Variants in SNAPC4 observed in about 807,000 individuals in gnomAD.
The protein encoded by SNAPC4 is small nuclear RNA activating complex polypeptide 4.
Under a neutral mutation model 151.3 loss-of-function variants are expected in SNAPC4, and 127 were observed. That is an observed-to-expected ratio of 0.84 (90% CI 0.73 to 0.97). The LOEUF is 0.97. Among genes scored for constraint, SNAPC4 ranks in the 50% least tolerant of loss-of-function variants. SNAPC4 has a pLI of 0.00. For synonymous variants in SNAPC4, 1,002 were observed against 824.4 expected (o/e 1.22, Z -3.69); for missense variants, 2,186 against 1,935.0 (o/e 1.13, Z -2.43).
intron 13 of SNAPC4, among the ~76,000 whole-genome samples, chr9:136,386,427 ACACTT>A (rs1012719422): frequency 5.4e-5 from 8 of 148,516 alleles, no homozygotes; most frequent in Non-Finnish European, 1.2e-4. Flanking sequence ...CTCTACCTCT[ACACTT>A]CATTTTTTTT....
chr9:136,384,502 C>A (rs528893003), intron 14 of SNAPC4, among the ~76,000 whole-genome samples: 2 of 152,074 alleles, frequency 1.3e-5, no homozygotes, highest in Non-Finnish European at 1.5e-5. Context: ...ACACTCAGCT[C>A]GTCGGGTGTG....
rs1588738653 is a variant in SNAPC4 at position 136,378,774 on chromosome 9, C to A, written c.3053G>T (p.Cys1018Phe). ...AGACTGTCCGAGACCACTCTCGGGGCAGCTCACAGAGATCTGGCCGGGGCC... is the reference window on the plus strand; with the variant it reads ...AGACTGTCCGAGACCACTCTCGGGGAAGCTCACAGAGATCTGGCCGGGGCC... ...ALGPGQISVS[C>F]PESGLGQSQA... is the part of the protein sequence containing the mutation. The change falls in exon 22 of 24, where the codon TGC becomes TTC. Residue 1018 changes from cysteine to phenylalanine, a missense_variant. Transcript: ENST00000684778. The A allele has an allele frequency of 1.9e-6, 3 of 1,543,892 alleles. No homozygotes were observed. Among genetic ancestry groups the A allele is most frequent in the Non-Finnish European group, 2.6e-6 (3 of 1,144,564 alleles).
intron 6 of SNAPC4, 31 bp from the exon 7 acceptor site, chr9:136,394,361 G>C: frequency 6.3e-7 from 1 of 1,580,728 alleles, no homozygotes; most frequent in Non-Finnish European, 8.7e-7. Flanking sequence ...CATCACTGGG[G>C]GTCTGGATCC....
rs149308711 is a variant in SNAPC4, at chr9:136,377,649, G to A, written c.4178C>T (p.Pro1393Leu). ...CTCACTCTCAGAGCCCACCCTCGAA[G>A]GTACTGAGAGGGTGGTGCGGACGCC... ...PQGVRTTLSV[P>L]SRVGSESEDE... Residue 1393 changes from proline (P) to leucine (L), a missense_variant, in exon 22 of 24, where the codon CCT becomes CTT. By Grantham distance (98) the Pro-to-Leu change is moderately conservative. Transcript: ENST00000684778. The A allele has an allele frequency of 1.8e-5, 29 of 1,594,232 alleles. No homozygotes were observed. The highest frequency in any genetic ancestry group is 4.0e-5 in the African/African-American group (3 of 74,308).
chr9:136,389,749 G>A (rs147389126), intron 10 of SNAPC4, among the ~76,000 whole-genome samples: 3 of 152,300 alleles, frequency 2.0e-5, no homozygotes, highest in African/African-American at 7.2e-5. Flanking sequence ...GCAAAGGACT[G>A]GGGGGTGGGG....
Position 136,378,870 on chromosome 9 carries a change from G to A in SNAPC4, c.2957C>T (p.Ala986Val), listed in dbSNP as rs1377225471. The change falls in exon 22 of 24, where the codon GCC becomes GTC. Residue 986 changes from alanine (A) to valine (V), a missense_variant. Transcript: ENST00000684778. ...AKDKRLSTMQ[A>V]LPLAPVFSEA... is the part of the protein sequence containing the mutation. The stretch of plus-strand genomic sequence containing the variant: ...TGAGAAGACAGGAGCGAGGGGCAGG[G>A]CTTGCATGGTGGAGAGTCTCTTGTC... The A allele has an allele frequency of 6.2e-7, 1 of 1,610,698 alleles. No individual in the cohort carries two copies. The highest frequency in any genetic ancestry group is 2.2e-5 in the East Asian group (1 of 44,830).
intron 13 of SNAPC4, among the ~76,000 whole-genome samples, 198 bp from the exon 14 acceptor site, chr9:136,385,012 A>C (rs1833844378): frequency 6.6e-6 from 1 of 152,254 alleles, no homozygotes; most frequent in Admixed American, 6.5e-5. Flanking sequence ...GAAAGTGTAC[A>C]GGCTGGGAGA....
chr9:136,393,895 G>C (rs1834168205), intron 7 of SNAPC4, among the ~76,000 whole-genome samples: 1 of 152,248 alleles, frequency 6.6e-6, no homozygotes, highest in South Asian at 2.1e-4. Flanking sequence ...ACCAGCCTTG[G>C]CTTTTCCTGT....
chr9:136,378,678 G>A lies in SNAPC4; in HGVS notation c.3149C>T (p.Pro1050Leu), dbSNP rs765001874. Residue 1050 changes from proline to leucine, a missense_variant, in exon 22 of 24, where the codon CCC (proline) becomes CTC (leucine). Transcript: ENST00000684778. Reference protein sequence around the residue: ...APPFLPAAPSPTPLPVQPLSL... With the variant: ...APPFLPAAPSLTPLPVQPLSL... ...GAGGGGCTGGACGGGCAGTGGGGTG[G>A]GGCTGGGGGCTGCGGGGAGAAAGGG... 2 of 1,499,654 alleles carry A rather than the reference G, an allele frequency of 1.3e-6. No homozygotes were observed. The highest frequency in any genetic ancestry group is 8.9e-7 in the Non-Finnish European group (1 of 1,124,990). The allele number at this position is 1,499,654 out of a possible 1,614,324, so 92.9% of individuals were successfully genotyped here.
At chr9:136,380,421 G>A (rs546241743) in intron 20 of SNAPC4, among the ~76,000 whole-genome samples, 4 of 152,188 alleles carry the variant, frequency 2.6e-5, no homozygotes, top group African/African-American at 4.8e-5. Flanking sequence ...AGGAGGCCTC[G>A]CTGAACTTCT....
chr9:136,381,254 G>C, intron 19 of SNAPC4, 68 bp downstream of exon 19: 1 of 1,282,836 alleles, frequency 7.8e-7, no homozygotes. Context: ...ATCTACTGCA[G>C]ATTTCAAAAC....
intron 19 of SNAPC4, 149 bp downstream of exon 19, chr9:136,381,173 T>C: frequency 1.4e-6 from 1 of 712,914 alleles, no homozygotes; most frequent in East Asian, 2.5e-5. Flanking sequence ...ATTCACTTGC[T>C]AACAGTGTAA....
At position 136,378,682 on chromosome 9, in the gene SNAPC4, TG is replaced by T; in HGVS notation, c.3144del (p.Ser1049AlafsTer12). 2 of 1,363,800 alleles carry T rather than the reference TG, an allele frequency of 1.5e-6. No individual in the cohort carries two copies. The highest frequency in any genetic ancestry group is 1.9e-6 in the Non-Finnish European group (2 of 1,033,014). 84.5% of individuals were successfully genotyped at this position (1,363,800 alleles called of 1,614,324 possible). On this transcript the variant is annotated frameshift_variant, in exon 22 of 24. Transcript: ENST00000684778. LOFTEE classifies it high-confidence loss of function. ...PEAPPFLPAA[P>X]SPTPLPVQPL... ...GGCTGGACGGGCAGTGGGGTGGGGC[TG>T]GGGGCTGCGGGGAGAAAGGGTGGCG...
Position 136,380,761 on chromosome 9 carries a change from G to T in SNAPC4, c.2478C>A (p.Asp826Glu). ...CTACCTGCAGAAGATGAACTGGTGG[G>T]TCCCGAGCACCAGCCTGGGGCAGCC... is the stretch of plus-strand genomic sequence containing the variant. ...PPRLPQAGAR[D>E]PPVHLLQASS... Residue 826 changes from aspartate (D) to glutamate (E), a missense_variant, in exon 20 of 24, where the codon GAC becomes GAA. By Grantham distance (45) the Asp-to-Glu change is conservative. Transcript: ENST00000684778. The T allele has an allele frequency of 6.2e-7, 1 of 1,605,010 alleles. No homozygotes were observed. The highest frequency in any genetic ancestry group is 8.5e-7 in the Non-Finnish European group (1 of 1,172,850).
At chr9:136,392,198 T>G in intron 9 of SNAPC4, 92 bp from the exon 10 acceptor site, 1 of 1,502,138 alleles carries the variant, frequency 6.7e-7, no homozygotes, top group South Asian at 1.1e-5. Context: ...CTCCGCCAGC[T>G]GGAGGCTTCC....
chr9:136,394,752 G>A, intron 6 of SNAPC4, 48 bp downstream of exon 6: 1 of 1,519,650 alleles, frequency 6.6e-7, no homozygotes, highest in Non-Finnish European at 9.1e-7. Context: ...GGGCCATGGG[G>A]AGGTGTCCCA....
Position 136,391,993 on chromosome 9 carries a change from G to A in SNAPC4, c.924C>T (p.Ile308=), listed in dbSNP as rs781343462. The A allele has an allele frequency of 8.7e-6, 14 of 1,609,360 alleles. No homozygotes were observed. The highest frequency in any genetic ancestry group is 3.3e-5 in the South Asian group (3 of 91,074). ...SREEEERLQA[I]AAAHGHLEWQ... ...ACTCCAGGTGGCCGTGTGCAGCCGC[G>A]ATCGCCTGCAGCCGCTCCTCCTCCT... Residue 308 remains isoleucine, a synonymous_variant, in exon 10 of 24, where the codon ATC becomes ATT. Coordinates refer to ENST00000684778, the MANE Select transcript of SNAPC4 (RefSeq NM_003086.4).
Position 136,396,542 on chromosome 9 carries a change from A to G in SNAPC4, c.177+435T>C, listed in dbSNP as rs537687916. Among the ~76,000 whole-genome samples the G allele has an allele frequency of 2.0e-5, 3 of 152,260 alleles. No homozygotes were observed. The East Asian group carries it at 5.8e-4, about 29-fold the overall frequency. On this transcript the variant is annotated intron_variant, in intron 3 of 23. Transcript: ENST00000684778. The stretch of plus-strand genomic sequence containing the variant: ...AGTGATCCTCCTGCCTCAGCCACCC[A>G]AGTAGCTGCGTCCACAGCCACGTGC...
Position 136,378,859 on chromosome 9 carries a change from C to A in SNAPC4, c.2968G>T (p.Ala990Ser), listed in dbSNP as rs747072957. Residue 990 changes from alanine to serine, a missense_variant, in exon 22 of 24, where the codon GCT becomes TCT. Transcript: ENST00000684778. ...CCCTCGGCCTCTGAGAAGACAGGAG[C>A]GAGGGGCAGGGCTTGCATGGTGGAG... is the stretch of plus-strand genomic sequence containing the variant. ...RLSTMQALPL[A>S]PVFSEAEGTA... 2 of 1,608,922 alleles carry A rather than the reference C, an allele frequency of 1.2e-6. No individual in the cohort carries two copies. The highest frequency in any genetic ancestry group is 1.3e-5 in the African/African-American group (1 of 74,882).
Sources: gnomAD v4.1 joint callset for allele counts (sites outside exome capture counted in the v4.1 genomes callset) on GRCh38, gnomAD v4.1.1 for gene constraint, MANE v1.5 for transcripts, NCBI Gene and HGNC (gene_info 2026-07-23, HGNC 2026-07-21) for gene names.